GOLGA1: variants seen among roughly 807,000 people sequenced by gnomAD.
The protein encoded by GOLGA1 is golgin A1.
GOLGA1 carries 63 observed loss-of-function variants against 119.7 expected under a neutral mutation model. That is an observed-to-expected ratio of 0.53 (90% confidence interval 0.43 to 0.65). The LOEUF (loss-of-function observed/expected upper bound fraction) is 0.65, where lower values mean the gene tolerates loss of function less well. Ranked by LOEUF, GOLGA1 falls within the 30% of genes least tolerant of loss-of-function variation. The probability of loss-of-function intolerance (pLI) is 0.00; values close to 1 mark genes in which losing one functional copy is unlikely to be tolerated. For synonymous variants in GOLGA1, 318 were observed against 333.4 expected, an observed-to-expected ratio of 0.95 and a Z score of 0.50; for missense variants, 798 against 912.8, an observed-to-expected ratio of 0.87 and a Z score of 1.62.
In GOLGA1 at chr9:124,889,277, G is replaced by C; in HGVS notation, c.1627C>G (p.His543Asp). ...GCCTCCAGCTCGGCCTGCAGCTGGTGTATCTGCAGCAGGGCAGAGTTGTGA... is the reference window on the plus strand; with the variant it reads ...GCCTCCAGCTCGGCCTGCAGCTGGTCTATCTGCAGCAGGGCAGAGTTGTGA... ...RGHNSALLQI[H>D]QLQAELEALR... is the part of the protein sequence containing the mutation. The change falls in exon 18 of 23, where the codon CAC (histidine) becomes GAC (aspartate). Residue 543 changes from histidine to aspartate, a missense_variant. By Grantham distance (81) the His-to-Asp change is moderately conservative (BLOSUM62 -1). Coordinates refer to ENST00000373555, the MANE Select transcript of GOLGA1 (RefSeq NM_002077.4). 1.2e-6 allele frequency: 2 copies of C among 1,613,906 alleles called. No individual in the cohort carries two copies. Among genetic ancestry groups the C allele is most frequent in the Non-Finnish European group, 1.7e-6 (2 of 1,179,920 alleles).
intron 19 of GOLGA1, among the ~76,000 whole-genome samples, chr9:124,883,126 G>A (rs1829628756): frequency 6.6e-6 from 1 of 151,488 alleles, no homozygotes; most frequent in African/African-American, 2.4e-5. Context: ...TTGAGATGGA[G>A]TCTCACTCTG....
chr9:124,926,317 A>G (rs1258197224), intron 7 of GOLGA1, among the ~76,000 whole-genome samples: 1 of 152,246 alleles, frequency 6.6e-6, no homozygotes, highest in Non-Finnish European at 1.5e-5. Flanking sequence ...ACTAAGCTGA[A>G]GAGAGCCCAC....
chr9:124,937,497 C>T (rs1229289275), intron 3 of GOLGA1, among the ~76,000 whole-genome samples: 1 of 151,008 alleles, frequency 6.6e-6, no homozygotes, highest in South Asian at 2.1e-4. Context: ...CGGGTGTGGT[C>T]GTGGGCACCT....
At chr9:124,939,926 T>A (rs539451994) in intron 2 of GOLGA1, among the ~76,000 whole-genome samples, 180 bp downstream of exon 2, 1 of 152,312 alleles carries the variant, frequency 6.6e-6, no homozygotes, top group African/African-American at 2.4e-5. Context: ...AACCTTTTCC[T>A]CCTAATGGTG....
chr9:124,913,400 ACTGTGAAGACTTGTAC>A (rs1365457392), intron 10 of GOLGA1, among the ~76,000 whole-genome samples: 3 of 152,128 alleles, frequency 2.0e-5, no homozygotes, highest in Non-Finnish European at 4.4e-5. Context: ...ACAAAATCTC[ACTGTGAAGACTTGTAC>A]CTCTTTACAT....
At chr9:124,890,892 C>T (rs1161368327) in intron 15 of GOLGA1, among the ~76,000 whole-genome samples, 2 of 152,086 alleles carry the variant, frequency 1.3e-5, no homozygotes, top group Non-Finnish European at 1.5e-5. Context: ...CGGTGGCTCA[C>T]ACCAATAATC....
intron 6 of GOLGA1, among the ~76,000 whole-genome samples, chr9:124,927,457 G>C (rs182616033): frequency 6.6e-6 from 1 of 152,184 alleles, no homozygotes; most frequent in African/African-American, 2.4e-5. Context: ...CCTAGATGAT[G>C]AACAGACACT....
At chr9:124,936,013 G>C (rs144274578) in intron 3 of GOLGA1, among the ~76,000 whole-genome samples, 16 of 152,232 alleles carry the variant, frequency 1.1e-4, no homozygotes, top group African/African-American at 3.6e-4. Context: ...CTGGAGATAG[G>C]AACTGAGGAT....
At chr9:124,900,588 C>A in intron 12 of GOLGA1, 41 bp from the exon 13 acceptor site, 1 of 969,266 alleles carries the variant, frequency 1.0e-6, no homozygotes, top group Non-Finnish European at 1.6e-6. Context: ...TCACAAGAAG[C>A]TGAAGAGTGG....
intron 15 of GOLGA1, among the ~76,000 whole-genome samples, chr9:124,891,791 T>C (rs780884357): frequency 2.6e-5 from 4 of 151,610 alleles, no homozygotes; most frequent in Non-Finnish European, 5.9e-5. Context: ...ACTACAGGCA[T>C]GTGCCACCAC....
intron 3 of GOLGA1, 35 bp downstream of exon 3, chr9:124,938,541 CA>C (rs1196638186): frequency 6.4e-7 from 1 of 1,559,898 alleles, no homozygotes; most frequent in Non-Finnish European, 8.8e-7. Flanking sequence ...GAATACCCTG[CA>C]AAAGTATCTT....
intron 6 of GOLGA1, among the ~76,000 whole-genome samples, chr9:124,927,306 A>G (rs1480637363): frequency 1.3e-5 from 2 of 152,224 alleles, no homozygotes; most frequent in African/African-American, 4.8e-5. Flanking sequence ...TGGGAAAAAA[A>G]GCCCATTTGC....
Position 124,879,642 on chromosome 9 carries a change from C to G in GOLGA1, c.*888G>C, listed in dbSNP as rs1016833969. 2.0e-5 allele frequency: 3 copies of G among 150,172 alleles called. No individual in the cohort carries two copies. The highest frequency in any genetic ancestry group is 1.9e-4 in the East Asian group (1 of 5,152). The allele number at this position is 150,172 out of a possible 1,614,324, so 9.3% of individuals were successfully genotyped here. A position where few individuals can be genotyped will look rare whatever the true frequency, so the allele number is the denominator to read the frequency against. On this transcript the variant is annotated 3_prime_UTR_variant, in exon 23 of 23. Transcript: ENST00000373555. ...CACTGCACTTCAGAGGGAGCAGTGC[C>G]AGAGTGCGAGTGAGAAGACAAAGGA...
intron 1 of GOLGA1, 72 bp from the exon 2 acceptor site, chr9:124,940,227 TA>T (rs371841659): frequency 3.5e-4 from 53 of 151,168 alleles, no homozygotes; most frequent in African/African-American, 1.2e-3. Context: ...TGGGTGGGGA[TA>T]GGGGGAAGAA....
At chr9:124,932,700 G>A (rs950665180) in intron 3 of GOLGA1, among the ~76,000 whole-genome samples, 1 of 152,192 alleles carries the variant, frequency 6.6e-6, no homozygotes, top group African/African-American at 2.4e-5. Flanking sequence ...GCCATAGAAT[G>A]TGTGACTTAT....
intron 14 of GOLGA1, 119 bp downstream of exon 14, chr9:124,899,210 C>CTGCCT (rs1248264199): frequency 1.2e-6 from 1 of 860,586 alleles, no homozygotes; most frequent in East Asian, 2.7e-5. Context: ...AAAAAAAAAG[C>CTGCCT]TGCCTTCTAA....
intron 10 of GOLGA1, among the ~76,000 whole-genome samples, chr9:124,920,204 T>C (rs2131482779): frequency 6.6e-6 from 1 of 152,170 alleles, no homozygotes; most frequent in East Asian, 1.9e-4. Flanking sequence ...ACTGCAGCCT[T>C]GAATTCCTGG....
chr9:124,892,864 G>A (rs975296576), intron 15 of GOLGA1, among the ~76,000 whole-genome samples: 3 of 151,278 alleles, frequency 2.0e-5, no homozygotes, highest in African/African-American at 4.9e-5. Context: ...CCCAGGAGGC[G>A]GAGGTTGCAG....
At chr9:124,907,249 G>A (rs934053320) in intron 12 of GOLGA1, among the ~76,000 whole-genome samples, 2 of 152,130 alleles carry the variant, frequency 1.3e-5, no homozygotes, top group Non-Finnish European at 2.9e-5. Flanking sequence ...AATTCAGAAA[G>A]GACAGACTGT....
Sources: gnomAD v4.1 joint callset for allele counts (sites outside exome capture counted in the v4.1 genomes callset) on GRCh38, gnomAD v4.1.1 for gene constraint, MANE v1.5 for transcripts, NCBI Gene and HGNC (gene_info 2026-07-23, HGNC 2026-07-21) for gene names.